MROH2B: variants seen among roughly 807,000 people sequenced by gnomAD.
MROH2B encodes the protein maestro heat like repeat family member 2B, also known as maestro heat-like repeat-containing protein family member 2B.
A neutral mutation model predicts 208.6 loss-of-function variants in MROH2B; 177 were observed. The ratio of observed to expected loss-of-function variants is 0.85; its 90% confidence interval spans 0.75 to 0.96. MROH2B has a LOEUF of 0.96. MROH2B is among the 40% of genes least tolerant of loss of function. The pLI is 0.00. For missense variants in MROH2B, 2,002 were observed against 1,878.7 expected (o/e 1.07, Z -1.21); for synonymous variants, 728 against 659.0 (o/e 1.10, Z -1.60).
intron 24 of MROH2B, among the ~76,000 whole-genome samples, chr5:41,022,507 C>A (rs559722521): frequency 1.3e-5 from 2 of 152,092 alleles, no homozygotes; most frequent in Admixed American, 6.6e-5. Context: ...GGGGGAGGGG[C>A]GCCCGCCATT....
chr5:41,070,837 C>G lies in MROH2B; in HGVS notation c.16G>C (p.Glu6Gln). 1.2e-6 allele frequency: 2 copies of G among 1,611,188 alleles called. No homozygotes were observed. Among genetic ancestry groups the G allele is most frequent in the Non-Finnish European group, 8.5e-7 (1 of 1,178,598 alleles). The change falls in exon 1 of 42, where the codon GAG becomes CAG. Residue 6 changes from glutamate (E) to glutamine (Q), a missense_variant. Glu to Gln is a conservative substitution (Grantham distance 29). Transcript: ENST00000399564. Reference protein sequence around the residue: MTLSTEESIEMFGDIN... With the variant: MTLSTQESIEMFGDIN... ...TGATGATGCTTACCTATGGATTCCT[C>G]TGTACTAAGTGTCATGTCTTGGCTG...
At chr5:41,023,777 CAG>C (rs1742246769) in intron 24 of MROH2B, among the ~76,000 whole-genome samples, 1 of 152,086 alleles carries the variant, frequency 6.6e-6, no homozygotes, top group Non-Finnish European at 1.5e-5. Context: ...TAAGGCCAGC[CAG>C]AGAGAAAGGT....
intron 12 of MROH2B, 72 bp downstream of exon 12, chr5:41,052,393 T>C (rs1471981688): frequency 2.1e-6 from 3 of 1,404,212 alleles, no homozygotes; most frequent in Non-Finnish European, 2.8e-6. Context: ...CTAATCATTT[T>C]TTAAAAAGAA....
Position 41,000,732 on chromosome 5 carries a change from CTTT to C in MROH2B, c.4293_4295del (p.Lys1432del). The C allele has an allele frequency of 6.2e-7, 1 of 1,612,218 alleles. No individual in the cohort carries two copies. The highest frequency in any genetic ancestry group is 1.1e-5 in the South Asian group (1 of 90,510). The stretch of plus-strand genomic sequence containing the variant: ...GGTGCAGAAGGAATGAAATCAGGCT[CTTT>C]TTTATTTCTTCAGCAAAAAAAATCT... On this transcript the variant is annotated inframe_deletion, in exon 38 of 42. Coordinates refer to ENST00000399564, the MANE Select transcript of MROH2B (RefSeq NM_173489.5).
intron 17 of MROH2B, among the ~76,000 whole-genome samples, chr5:41,046,243 A>C (rs35342523): frequency 0.094 from 14,231 of 151,084 alleles, 820 homozygotes; most frequent in Admixed American, 0.17. Context: ...AAAAAAAAAA[A>C]CCCCAAACAC....
At chr5:41,028,654 T>A (rs325816) in intron 24 of MROH2B, among the ~76,000 whole-genome samples, 1 of 151,998 alleles carries the variant, frequency 6.6e-6, no homozygotes, top group Admixed American at 6.6e-5. Context: ...CTTTTTAAAG[T>A]CTGAATAATA....
At chr5:41,025,051 T>C (rs1742300923) in intron 24 of MROH2B, among the ~76,000 whole-genome samples, 1 of 152,130 alleles carries the variant, frequency 6.6e-6, no homozygotes, top group Non-Finnish European at 1.5e-5. Context: ...TAGAGGGAAA[T>C]TTATAGCACT....
intron 18 of MROH2B, among the ~76,000 whole-genome samples, chr5:41,043,633 A>G (rs1212452298): frequency 6.6e-6 from 1 of 152,226 alleles, no homozygotes; most frequent in Non-Finnish European, 1.5e-5. Flanking sequence ...TTAGAAGCCT[A>G]GCATTGGGAG....
chr5:41,025,523 T>G (rs1051202501), intron 24 of MROH2B, among the ~76,000 whole-genome samples: 1 of 152,120 alleles, frequency 6.6e-6, no homozygotes, highest in South Asian at 2.1e-4. Flanking sequence ...TAAGAGGCTC[T>G]GAAATTGAAG....
intron 5 of MROH2B, 54 bp downstream of exon 5, chr5:41,064,417 TA>T: frequency 6.9e-7 from 1 of 1,441,638 alleles, no homozygotes; most frequent in Non-Finnish European, 9.7e-7. Context: ...GCTTAATTTG[TA>T]AGACAGTTCA....
intron 14 of MROH2B, 35 bp downstream of exon 14, chr5:41,049,245 T>C: frequency 6.2e-7 from 1 of 1,611,642 alleles, no homozygotes; most frequent in South Asian, 1.1e-5. Flanking sequence ...TCCCTCATAA[T>C]AGAAAAGCTT....
chr5:41,002,021 T>A (rs1402393863), intron 37 of MROH2B, among the ~76,000 whole-genome samples: 1 of 152,180 alleles, frequency 6.6e-6, no homozygotes, highest in Non-Finnish European at 1.5e-5. Flanking sequence ...AGCTCAGATG[T>A]GACTTTGTAT....
intron 34 of MROH2B, 67 bp downstream of exon 34, chr5:41,007,247 C>A (rs894857953): frequency 8.9e-6 from 12 of 1,350,674 alleles, no homozygotes; most frequent in Non-Finnish European, 1.2e-5. Flanking sequence ...GCCTGTATTG[C>A]ACTTTTGTTT....
chr5:41,047,776 A>G lies in MROH2B; in HGVS notation c.1685-12T>C. ...ACTGATGTTCTTTCCTAGAAACAAA[A>G]ATTGATGTAATAATCGCAAAAAAAC... On this transcript the variant is annotated splice_polypyrimidine_tract_variant and intron_variant, in intron 16 of 41. Transcript: ENST00000399564. The G allele has an allele frequency of 6.3e-7, 1 of 1,576,022 alleles. No individual in the cohort carries two copies. Among genetic ancestry groups the G allele is most frequent in the Non-Finnish European group, 8.6e-7 (1 of 1,159,432 alleles).
At position 41,065,379 on chromosome 5, in the gene MROH2B, G is replaced by T; in HGVS notation, c.313C>A (p.Pro105Thr). ...VQSNFRILELPDEFVVLALAE... is the reference protein window; with the variant it reads ...VQSNFRILELTDEFVVLALAE... ...AGGGCAAGCACAACGAATTCATCTG[G>T]TAGCTCTAAGATCCTGAAGTTACTT... Residue 105 changes from proline (P) to threonine (T), a missense_variant, in exon 4 of 42, where the codon CCA becomes ACA. Transcript: ENST00000399564. 1.2e-6 allele frequency: 2 copies of T among 1,613,310 alleles called. No individual in the cohort carries two copies. The highest frequency in any genetic ancestry group is 1.7e-6 in the Non-Finnish European group (2 of 1,179,564).
chr5:41,042,143 T>A lies in MROH2B; in HGVS notation c.1902A>T (p.Ser634=). Residue 634 remains serine, a synonymous_variant, in exon 19 of 42, where the codon TCA becomes TCT. Transcript: ENST00000399564. ...GAGCAGTCAGAAACTCCTTAATCTGTGAGTTTACAAAGTCTGAATCTTGGC... is the reference window on the plus strand; with the variant it reads ...GAGCAGTCAGAAACTCCTTAATCTGAGAGTTTACAAAGTCTGAATCTTGGC... ...ACCQDSDFVN[S]QIKEFLTAPN... is the part of the protein sequence containing the mutation. 6.3e-7 allele frequency: 1 copy of A among 1,597,686 alleles called. No individual in the cohort carries two copies. Among genetic ancestry groups the A allele is most frequent in the African/African-American group, 1.3e-5 (1 of 74,790 alleles).
At chr5:40,998,746 T>C (rs1162420829) in intron 40 of MROH2B, 69 bp from the exon 41 acceptor site, 13 of 1,343,928 alleles carry the variant, frequency 9.7e-6, no homozygotes, top group Non-Finnish European at 1.4e-5. Context: ...GTATAGCAGG[T>C]TAGACTCTGC....
chr5:41,031,306 C>A (rs185200495), intron 24 of MROH2B, among the ~76,000 whole-genome samples: 1 of 152,170 alleles, frequency 6.6e-6, no homozygotes. Context: ...ACTATCAGAT[C>A]TCATGAGAAC....
At chr5:41,012,002 G>A (rs1741789140) in intron 30 of MROH2B, among the ~76,000 whole-genome samples, 1 of 152,160 alleles carries the variant, frequency 6.6e-6, no homozygotes, top group African/African-American at 2.4e-5. Flanking sequence ...TGAATAACTT[G>A]TATTCTATTT....
Sources: allele counts gnomAD v4.1 joint callset (sites outside exome capture counted in the v4.1 genomes callset), GRCh38; gene constraint gnomAD v4.1.1; transcripts MANE v1.5; gene names NCBI Gene and HGNC (gene_info 2026-07-23, HGNC 2026-07-21).